The following MPP7 variants were observed in gnomAD, a reference collection of about 807,000 sequenced individuals.
The protein encoded by MPP7 is MAGUK p55 scaffold protein 7.
Under a neutral mutation model 76.5 loss-of-function variants are expected in MPP7, and 60 were observed. The observed-to-expected ratio is 0.78, with a 90% CI of 0.64 to 0.97. The LOEUF (loss-of-function observed/expected upper bound fraction) is 0.97, where lower values mean the gene tolerates loss of function less well. Among genes scored for constraint, MPP7 ranks in the 50% least tolerant of loss-of-function variants. MPP7 has a pLI of 0.00. For missense variants in MPP7, 641 were observed against 694.0 expected, an observed-to-expected ratio of 0.92 and a Z score of 0.86; for synonymous variants, 237 against 244.5, an observed-to-expected ratio of 0.97 and a Z score of 0.29.
chr10:28,182,481 T>C (rs1261861693), intron 3 of MPP7, among the ~76,000 whole-genome samples: 1 of 152,226 alleles, frequency 6.6e-6, no homozygotes, highest in African/African-American at 2.4e-5. Flanking sequence ...TATATATTTA[T>C]GGTCCAGCAA....
upstream of MPP7, among the ~76,000 whole-genome samples, chr10:28,334,978 G>C (rs948754665): frequency 8.5e-5 from 13 of 152,214 alleles, no homozygotes; most frequent in Non-Finnish European, 2.9e-5. Flanking sequence ...TTAGCTGAAA[G>C]TTTCTGTTTT....
intron 1 of MPP7, among the ~76,000 whole-genome samples, chr10:28,279,295 T>C (rs1840596829): frequency 6.6e-6 from 1 of 152,116 alleles, no homozygotes; most frequent in African/African-American, 2.4e-5. Context: ...TAATTCTCCC[T>C]GTTCCCTTTC....
At chr10:28,116,994 A>C (rs974120836) in intron 11 of MPP7, among the ~76,000 whole-genome samples, 2 of 152,112 alleles carry the variant, frequency 1.3e-5, no homozygotes, top group African/African-American at 4.8e-5. Context: ...TATAAGTGCA[A>C]AAATGCAAAG....
chr10:28,195,249 T>C (rs537840271), intron 3 of MPP7, among the ~76,000 whole-genome samples: 2 of 152,198 alleles, frequency 1.3e-5, no homozygotes, highest in Admixed American at 1.3e-4. Flanking sequence ...AAAACAAATG[T>C]TGGTGAAGAT....
chr10:28,126,745 T>C (rs1835028924), intron 6 of MPP7, among the ~76,000 whole-genome samples: 1 of 152,166 alleles, frequency 6.6e-6, no homozygotes, highest in African/African-American at 2.4e-5. Flanking sequence ...GTGGTAAAAA[T>C]GGTTTTGAGG....
At chr10:28,180,590 A>G (rs1239270927) in intron 3 of MPP7, among the ~76,000 whole-genome samples, 1 of 152,216 alleles carries the variant, frequency 6.6e-6, no homozygotes, top group Admixed American at 6.5e-5. Flanking sequence ...TATAGTGAAA[A>G]TACTTGTTAA....
At chr10:28,118,400 G>C (rs1312996845) in intron 11 of MPP7, 17 of 981,214 alleles carry the variant, frequency 1.7e-5, no homozygotes, top group Non-Finnish European at 1.9e-5. Flanking sequence ...TATGGATCCA[G>C]ATTCGAGTAT....
At chr10:28,202,001 G>C in intron 3 of MPP7, 152 bp downstream of exon 3, 1 of 628,802 alleles carries the variant, frequency 1.6e-6, no homozygotes, top group Non-Finnish European at 2.9e-6. Flanking sequence ...ATTTTTGGTA[G>C]AATCTTTAAC....
intron 16 of MPP7, among the ~76,000 whole-genome samples, chr10:28,054,781 A>G (rs977401345): frequency 7.2e-5 from 11 of 152,092 alleles, no homozygotes; most frequent in Non-Finnish European, 2.9e-5. Flanking sequence ...GGTCCTAGCA[A>G]TTCTCCTGCC....
In MPP7 at chr10:28,249,775, T is replaced by C. The variant is rs760618675; in HGVS notation, c.-131-11040A>G. Among the ~76,000 whole-genome samples the C allele has an allele frequency of 1.4e-4, 21 of 152,286 alleles. 1 individual carries two copies. The highest frequency in any genetic ancestry group is 6.8e-3 in the Middle Eastern group (2 of 294). ...CTTCTGCTGACCTGGGCTTCTGATATGATAAGAGAGCCTGCACCTTCCCCT... is the reference window on the plus strand; with the variant it reads ...CTTCTGCTGACCTGGGCTTCTGATACGATAAGAGAGCCTGCACCTTCCCCT... On this transcript the variant is annotated intron_variant, in intron 1 of 16. Coordinates refer to ENST00000683449, the MANE Select transcript of MPP7 (RefSeq NM_001318170.2).
chr10:28,325,146 G>T (rs1178994173), intron 2 of MPP7, among the ~76,000 whole-genome samples: 2 of 152,078 alleles, frequency 1.3e-5, no homozygotes, highest in Non-Finnish European at 2.9e-5. Context: ...CTCCTGCCTT[G>T]GCCTCCTAAA....
chr10:28,219,851 T>C (rs999529422), intron 2 of MPP7, among the ~76,000 whole-genome samples: 3 of 152,138 alleles, frequency 2.0e-5, no homozygotes, highest in East Asian at 1.9e-4. Context: ...TTGTCAAAGG[T>C]AAAATAATCA....
At chr10:28,139,330 T>A (rs896800526) in intron 5 of MPP7, among the ~76,000 whole-genome samples, 1 of 152,190 alleles carries the variant, frequency 6.6e-6, no homozygotes, top group Non-Finnish European at 1.5e-5. Flanking sequence ...CAGCATTCCT[T>A]CTGGGCAGCG....
At chr10:28,098,665 C>A (rs993493287) in intron 11 of MPP7, among the ~76,000 whole-genome samples, 3 of 151,814 alleles carry the variant, frequency 2.0e-5, no homozygotes, top group Non-Finnish European at 4.4e-5. Context: ...TATATCAGCA[C>A]GTAACACAAA....
At position 28,270,520 on chromosome 10, in the gene MPP7, T is replaced by A. The variant is rs61541902; in HGVS notation, c.-131-31785A>T. 8.8e-3 allele frequency among the ~76,000 whole-genome samples: 524 copies of A among 59,800 alleles called. 2 individuals carry two copies. The highest frequency in any genetic ancestry group is 0.032 in the African/African-American group (506 of 15,950). The allele number at this position is 59,800 out of a possible 152,430, so 39.2% of individuals were successfully genotyped here. On this transcript the variant is annotated intron_variant, in intron 1 of 16. Transcript: ENST00000683449. ...GGGCAACATAACAAGACTATCTCTT[T>A]AAAAAAAAAAAAGGGGGGGGGGGAG...
intron 12 of MPP7, among the ~76,000 whole-genome samples, chr10:28,078,590 A>T (rs1852606941): frequency 6.6e-6 from 1 of 152,200 alleles, no homozygotes; most frequent in South Asian, 2.1e-4. Flanking sequence ...CCAAACCAGA[A>T]ATGTAAGTAA....
chr10:28,287,310 G>C (rs949844158), intron 1 of MPP7, among the ~76,000 whole-genome samples: 2 of 152,064 alleles, frequency 1.3e-5, no homozygotes, highest in Non-Finnish European at 2.9e-5. Context: ...AATTTGTAGA[G>C]GGTAGATCTC....
chr10:28,092,852 T>C (rs902630605), intron 11 of MPP7, among the ~76,000 whole-genome samples: 4 of 150,818 alleles, frequency 2.7e-5, no homozygotes, highest in African/African-American at 9.8e-5. Flanking sequence ...AGTGCTGGGA[T>C]TATAGGCATG....
In MPP7 at chr10:28,242,478, G is replaced by A. The variant is rs562286886; in HGVS notation, c.-131-3743C>T. 1.3e-4 allele frequency among the ~76,000 whole-genome samples: 20 copies of A among 152,260 alleles called. No individual in the cohort carries two copies. The South Asian group carries it at 3.7e-3, about 28-fold the overall frequency. On this transcript the variant is annotated intron_variant, in intron 1 of 16. Transcript: ENST00000683449. ...ATTTGGACCCTCATAAATTATAATT[G>A]TAAGAATAAAAGGAGGCAACATATA...
Sources: allele counts gnomAD v4.1 joint callset (sites outside exome capture counted in the v4.1 genomes callset), GRCh38; gene constraint gnomAD v4.1.1; transcripts MANE v1.5; gene names NCBI Gene and HGNC (gene_info 2026-07-23, HGNC 2026-07-21).